Variants in NCALD observed in about 807,000 individuals in gnomAD.
NCALD encodes neurocalcin-delta.
A neutral mutation model predicts 18.6 loss-of-function variants in NCALD; 10 were observed. That is an observed-to-expected ratio of 0.54 (90% CI 0.33 to 0.91). The LOEUF is 0.91. Among genes scored for constraint, NCALD ranks in the 40% least tolerant of loss-of-function variants. The pLI is 0.03. For missense variants in NCALD, 184 were observed against 247.6 expected, an observed-to-expected ratio of 0.74 and a Z score of 1.72; for synonymous variants, 88 against 87.4, an observed-to-expected ratio of 1.01 and a Z score of -0.04.
At chr8:101,699,375 C>T (rs918527764) in intron 2 of NCALD, among the ~76,000 whole-genome samples, 1 of 152,054 alleles carries the variant, frequency 6.6e-6, no homozygotes, top group Non-Finnish European at 1.5e-5. Flanking sequence ...GATCTAGAAC[C>T]AGAAATACCA....
chr8:102,023,754 CATT>C (rs1822360356), intron 1 of NCALD, among the ~76,000 whole-genome samples: 1 of 152,188 alleles, frequency 6.6e-6, no homozygotes, highest in Non-Finnish European at 1.5e-5. Context: ...GAAGGTCTGC[CATT>C]ATCAGCCAAC....
chr8:101,966,666 C>A (rs564586975), intron 2 of NCALD, among the ~76,000 whole-genome samples: 3 of 152,110 alleles, frequency 2.0e-5, no homozygotes, highest in South Asian at 2.1e-4. Flanking sequence ...ATGTGGTAAA[C>A]TTAGCATTCT....
At chr8:101,959,880 C>T (rs1383576358) in intron 2 of NCALD, among the ~76,000 whole-genome samples, 1 of 124,444 alleles carries the variant, frequency 8.0e-6, no homozygotes, top group Admixed American at 8.9e-5. Flanking sequence ...ACTGCAGACA[C>T]CTTTTCACCC....
intron 3 of NCALD, among the ~76,000 whole-genome samples, chr8:101,894,741 G>A (rs980865007): frequency 3.3e-5 from 5 of 151,314 alleles, no homozygotes; most frequent in African/African-American, 9.8e-5. Flanking sequence ...ACACCTCTAC[G>A]GAAATAAACT....
In NCALD at chr8:102,033,542, A is replaced by C. The variant is rs370903399; in HGVS notation, c.-209-13253T>G. Among the ~76,000 whole-genome samples the C allele has an allele frequency of 6.6e-5, 10 of 152,324 alleles. No homozygotes were observed. In the East Asian group the frequency reaches 1.3e-3, roughly 21 times the overall value. ...TTTAAAGTTATTCATTTCCAAGAAA[A>C]TAAAAGTCAGCAGCAGAAACAAGAA... On this transcript the variant is annotated intron_variant, in intron 1 of 6. Coordinates refer to the NCALD transcript ENST00000311028.
rs533405225 is a variant in NCALD at position 102,088,558 on chromosome 8, A to C, written c.-210+35679T>G. Among the ~76,000 whole-genome samples, 4 of 149,586 alleles carry C rather than the reference A, an allele frequency of 2.7e-5. No homozygotes were observed. The South Asian group carries it at 8.4e-4, about 31-fold the overall frequency. On this transcript the variant is annotated intron_variant, in intron 1 of 6. Transcript: ENST00000311028. ...TGCCATAGATCCTGTTTTCGGGGAA[A>C]AAAAAAAAAAAGAACAACCTCTGTT...
At chr8:102,078,122 A>G (rs59624010) in intron 1 of NCALD, among the ~76,000 whole-genome samples, 13,587 of 152,032 alleles carry the variant, frequency 0.089, 1,558 homozygotes, top group African/African-American at 0.27. Context: ...CCTCATGTCT[A>G]CAAATGGCCA....
intron 2 of NCALD, among the ~76,000 whole-genome samples, chr8:101,970,087 A>T (rs894927544): frequency 6.6e-6 from 1 of 152,216 alleles, no homozygotes; most frequent in Non-Finnish European, 1.5e-5. Flanking sequence ...CATGAACATT[A>T]AGTAACTTAC....
chr8:101,710,337 C>T (rs934711944), intron 2 of NCALD, among the ~76,000 whole-genome samples: 2 of 152,144 alleles, frequency 1.3e-5, no homozygotes, highest in African/African-American at 4.8e-5. Context: ...AACTGGAGGG[C>T]CATTTGGGCA....
chr8:101,960,080 G>A (rs983850654), intron 2 of NCALD, among the ~76,000 whole-genome samples: 9 of 152,162 alleles, frequency 5.9e-5, no homozygotes, highest in African/African-American at 2.2e-4. Context: ...AGAGGACTGA[G>A]CCTGCCTTTA....
At chr8:101,778,578 T>C (rs1348755076) in intron 1 of NCALD, among the ~76,000 whole-genome samples, 2 of 151,896 alleles carry the variant, frequency 1.3e-5, no homozygotes, top group Non-Finnish European at 2.9e-5. Flanking sequence ...GTGGAAAGTC[T>C]GAATAATTGA....
chr8:101,891,257 T>C (rs948098107), intron 3 of NCALD, among the ~76,000 whole-genome samples: 1 of 152,216 alleles, frequency 6.6e-6, no homozygotes, highest in Non-Finnish European at 1.5e-5. Context: ...TACCATTTTA[T>C]AGTTATACTC....
intron 1 of NCALD, among the ~76,000 whole-genome samples, chr8:101,752,871 G>A (rs1037292219): frequency 2.6e-5 from 4 of 152,052 alleles, no homozygotes; most frequent in African/African-American, 9.7e-5. Flanking sequence ...AACCAAAATG[G>A]AATTTCAACA....
chr8:102,000,568 G>T (rs1821416838), intron 2 of NCALD, among the ~76,000 whole-genome samples: 1 of 152,200 alleles, frequency 6.6e-6, no homozygotes, highest in Non-Finnish European at 1.5e-5. Flanking sequence ...TCTGAGAATG[G>T]ATAGACTGCC....
intron 1 of NCALD, among the ~76,000 whole-genome samples, chr8:102,031,728 A>C (rs1381537136): frequency 3.3e-5 from 5 of 152,078 alleles, no homozygotes; most frequent in Non-Finnish European, 5.9e-5. Flanking sequence ...GAGCAAAAAT[A>C]TATTCAATAA....
intron 1 of NCALD, among the ~76,000 whole-genome samples, chr8:101,778,098 T>C (rs1171791538): frequency 6.6e-6 from 1 of 152,222 alleles, no homozygotes; most frequent in East Asian, 1.9e-4. Context: ...ATAAAAGTAG[T>C]TCATCCCTAA....
intron 3 of NCALD, chr8:101,692,342 A>G (rs11991426): frequency 0.23 from 222,947 of 985,170 alleles, 26,656 homozygotes; most frequent in African/African-American, 0.41. Flanking sequence ...GTGCATGCAC[A>G]GGAGACCCCA....
chr8:101,880,809 GA>G (rs906487868), intron 4 of NCALD, among the ~76,000 whole-genome samples: 11 of 152,206 alleles, frequency 7.2e-5, no homozygotes, highest in African/African-American at 2.4e-4. Flanking sequence ...TATGGAGGCA[GA>G]AAAGTGCAAA....
At chr8:102,051,196 T>C (rs1394378612) in intron 1 of NCALD, among the ~76,000 whole-genome samples, 1 of 152,176 alleles carries the variant, frequency 6.6e-6, no homozygotes, top group Non-Finnish European at 1.5e-5. Flanking sequence ...ACTGATTTTC[T>C]GGAGCCAGGT....
Sources: allele counts gnomAD v4.1 joint callset (sites outside exome capture counted in the v4.1 genomes callset), GRCh38; gene constraint gnomAD v4.1.1; transcripts MANE v1.5; gene names NCBI Gene and HGNC (gene_info 2026-07-23, HGNC 2026-07-21).